The following EPC2 variants were observed in gnomAD, a reference collection of about 807,000 sequenced individuals.
The protein encoded by EPC2 is enhancer of polycomb 2, also known as enhancer of polycomb homolog 2.
EPC2 carries 14 observed loss-of-function variants against 92.1 expected under a neutral mutation model. The observed-to-expected ratio is 0.15, with a 90% CI of 0.10 to 0.24. EPC2 has a LOEUF of 0.24. EPC2 is among the 10% of genes least tolerant of loss of function. The pLI, the probability that EPC2 is intolerant of heterozygous loss-of-function variation, is 1.00. For missense variants in EPC2, 755 were observed against 971.5 expected, an observed-to-expected ratio of 0.78 and a Z score of 2.96; for synonymous variants, 340 against 334.7, an observed-to-expected ratio of 1.02 and a Z score of -0.17.
intron 2 of EPC2, among the ~76,000 whole-genome samples, chr2:148,716,377 T>G (rs1682261765): frequency 6.6e-6 from 1 of 152,178 alleles, no homozygotes; most frequent in Non-Finnish European, 1.5e-5. Flanking sequence ...ATATGGCTCT[T>G]AATATTTTGA....
chr2:148,736,322 A>G (rs940188867), intron 2 of EPC2, among the ~76,000 whole-genome samples: 1 of 152,162 alleles, frequency 6.6e-6, no homozygotes. Flanking sequence ...GGGCAGTAGG[A>G]ACCTATTCAG....
chr2:148,740,095 G>A (rs555482368), intron 2 of EPC2, among the ~76,000 whole-genome samples: 20 of 151,668 alleles, frequency 1.3e-4, no homozygotes, highest in Middle Eastern at 3.4e-3. Flanking sequence ...TTTAGCAGGA[G>A]AAAGCTATCT....
intron 2 of EPC2, among the ~76,000 whole-genome samples, chr2:148,736,430 A>G (rs978993212): frequency 3.3e-5 from 5 of 152,094 alleles, no homozygotes; most frequent in Non-Finnish European, 5.9e-5. Context: ...CCTGGCCCAG[A>G]TCTGAAGTCA....
chr2:148,693,049 C>T (rs1681673944), intron 2 of EPC2, among the ~76,000 whole-genome samples: 1 of 152,090 alleles, frequency 6.6e-6, no homozygotes. Context: ...ATACCATTTT[C>T]CATCAGTTTG....
intron 8 of EPC2, among the ~76,000 whole-genome samples, chr2:148,770,395 T>C (rs73005685): frequency 0.017 from 2,611 of 152,218 alleles, 70 homozygotes; most frequent in African/African-American, 0.059. Context: ...CCATAGTGTT[T>C]GAAGTGCAAT....
intron 7 of EPC2, among the ~76,000 whole-genome samples, chr2:148,767,312 A>AGG (rs1683429562): frequency 1.3e-5 from 2 of 152,040 alleles, no homozygotes; most frequent in African/African-American, 4.8e-5. Flanking sequence ...ATAACTACTC[A>AGG]TATGTTTCTC....
At chr2:148,730,380 G>C (rs1335303349) in intron 2 of EPC2, among the ~76,000 whole-genome samples, 1 of 152,158 alleles carries the variant, frequency 6.6e-6, no homozygotes, top group African/African-American at 2.4e-5. Flanking sequence ...AACCTTAAAG[G>C]TTTACAGATT....
chr2:148,747,577 T>C (rs1383842723), intron 3 of EPC2, among the ~76,000 whole-genome samples: 1 of 152,070 alleles, frequency 6.6e-6, no homozygotes, highest in Non-Finnish European at 1.5e-5. Flanking sequence ...TTCTTATGTT[T>C]ACCTTTTACC....
rs576068242 is a variant in EPC2, at chr2:148,734,648, T to C, written c.314-8974T>C. ...GGCAGTGTAATATGCACAAATTATT[T>C]CATTTAATTTCTACAAGAATCTTTG... On this transcript the variant is annotated intron_variant, in intron 2 of 13. Coordinates refer to ENST00000258484, the MANE Select transcript of EPC2 (RefSeq NM_015630.4). Among the ~76,000 whole-genome samples the C allele has an allele frequency of 9.9e-5, 15 of 152,232 alleles. No individual in the cohort carries two copies. The East Asian group carries it at 2.7e-3, about 27-fold the overall frequency.
chr2:148,657,253 G>A (rs976411703), intron 1 of EPC2, among the ~76,000 whole-genome samples: 5 of 152,118 alleles, frequency 3.3e-5, no homozygotes, highest in African/African-American at 1.2e-4. Context: ...GGCTTAAAGT[G>A]ATGGGTCACT....
At chr2:148,695,056 G>T (rs1280686771) in intron 2 of EPC2, among the ~76,000 whole-genome samples, 3 of 152,242 alleles carry the variant, frequency 2.0e-5, no homozygotes, top group African/African-American at 7.2e-5. Context: ...GGGATTACAG[G>T]CGTGAGCCAT....
chr2:148,645,267 A>C, intron 1 of EPC2, 97 bp downstream of exon 1: 1 of 1,111,882 alleles, frequency 9.0e-7, no homozygotes, highest in Non-Finnish European at 1.3e-6. Flanking sequence ...CGCTCGCTGG[A>C]GGGCGCCGCT....
At chr2:148,699,242 C>T (rs1057157127) in intron 2 of EPC2, among the ~76,000 whole-genome samples, 6 of 152,230 alleles carry the variant, frequency 3.9e-5, no homozygotes, top group Non-Finnish European at 5.9e-5. Context: ...TACCCCTACA[C>T]ACTTTCTCCT....
At chr2:148,714,541 C>T (rs1396272399) in intron 2 of EPC2, among the ~76,000 whole-genome samples, 3 of 152,156 alleles carry the variant, frequency 2.0e-5, no homozygotes, top group Admixed American at 6.5e-5. Context: ...AGTGTAAAAG[C>T]GTTCCTTTTC....
chr2:148,768,483 T>C (rs1380125697), intron 7 of EPC2, among the ~76,000 whole-genome samples: 2 of 152,248 alleles, frequency 1.3e-5, no homozygotes, highest in Non-Finnish European at 2.9e-5. Flanking sequence ...ATGTGACAGC[T>C]TTCTGAAAGT....
chr2:148,763,769 A>G (rs1192711688), intron 6 of EPC2, among the ~76,000 whole-genome samples: 1 of 152,188 alleles, frequency 6.6e-6, no homozygotes, highest in African/African-American at 2.4e-5. Flanking sequence ...ATCAGTGCAA[A>G]TGTCATTTTG....
chr2:148,769,151 G>T lies in EPC2; in HGVS notation c.1141G>T (p.Val381Leu). The T allele has an allele frequency of 6.2e-7, 1 of 1,609,462 alleles. No individual in the cohort carries two copies. The highest frequency in any genetic ancestry group is 8.5e-7 in the Non-Finnish European group (1 of 1,177,114). ...HSSDEDEFPQ[V>L]LSPVSEPEEE... ...TAAATGGAATGCCTCTTTTGTCTAG[G>T]TATTGTCCCCAGTATCAGAACCGGA... Residue 381 changes from valine (V) to leucine (L), a missense_variant and splice_region_variant, in exon 8 of 14, where the codon GTA (valine) becomes TTA (leucine). Physicochemically the swap from Val to Leu is conservative, Grantham distance 32 (BLOSUM62 1). This residue lies in a region of EPC2 where 509 missense variants were observed against 607.7 expected (regional missense o/e 0.84). Transcript: ENST00000258484.
chr2:148,683,773 T>C (rs1558808403), intron 1 of EPC2, among the ~76,000 whole-genome samples: 1 of 152,230 alleles, frequency 6.6e-6, no homozygotes, highest in Non-Finnish European at 1.5e-5. Flanking sequence ...CACTCCTTAG[T>C]TGATGAGCAT....
At chr2:148,673,106 C>A (rs999029005) in intron 1 of EPC2, among the ~76,000 whole-genome samples, 2 of 152,116 alleles carry the variant, frequency 1.3e-5, no homozygotes, top group African/African-American at 2.4e-5. Flanking sequence ...CTCTTACTTT[C>A]AAGATTCTCT....
Sources: gnomAD v4.1 joint callset for allele counts (sites outside exome capture counted in the v4.1 genomes callset) on GRCh38, gnomAD v4.1.1 for gene constraint, gnomAD v4.1.1 regional missense constraint, MANE v1.5 for transcripts, NCBI Gene and HGNC (gene_info 2026-07-23, HGNC 2026-07-21) for gene names.